The following CACNA2D1 variants were observed in gnomAD, a reference collection of about 807,000 sequenced individuals.
CACNA2D1 encodes voltage-dependent calcium channel subunit alpha-2/delta-1.
In CACNA2D1, 53 loss-of-function variants were observed where a neutral mutation model predicts 171.5. The ratio of observed to expected loss-of-function variants is 0.31; its 90% CI spans 0.25 to 0.39. CACNA2D1 has a LOEUF of 0.39. Among genes scored for constraint, CACNA2D1 ranks in the 10% least tolerant of loss-of-function variants. The pLI, the probability that CACNA2D1 is intolerant of heterozygous loss-of-function variation, is 1.00. For missense variants in CACNA2D1, 903 were observed against 1,299.8 expected, an observed-to-expected ratio of 0.69 and a Z score of 4.69; for synonymous variants, 442 against 443.1, an observed-to-expected ratio of 1.00 and a Z score of 0.03.
At chr7:82,323,042 T>C (rs1816188544) in intron 3 of CACNA2D1, among the ~76,000 whole-genome samples, 1 of 152,246 alleles carries the variant, frequency 6.6e-6, no homozygotes, top group Non-Finnish European at 1.5e-5. Context: ...AGTCCAACTC[T>C]ATAAATGGCT....
At chr7:82,039,096 A>G (rs979486443) in intron 10 of CACNA2D1, among the ~76,000 whole-genome samples, 1 of 152,198 alleles carries the variant, frequency 6.6e-6, no homozygotes, top group Non-Finnish European at 1.5e-5. Flanking sequence ...CTTGGCACCT[A>G]AACTGTCACA....
At chr7:82,270,149 A>T (rs1043166027) in intron 3 of CACNA2D1, among the ~76,000 whole-genome samples, 1 of 152,106 alleles carries the variant, frequency 6.6e-6, no homozygotes, top group Admixed American at 6.6e-5. Flanking sequence ...TTCTCTCCTC[A>T]GCTATCTCTG....
At chr7:82,054,259 G>C (rs1366542370) in intron 10 of CACNA2D1, among the ~76,000 whole-genome samples, 1 of 152,182 alleles carries the variant, frequency 6.6e-6, no homozygotes, top group Non-Finnish European at 1.5e-5. Flanking sequence ...AATCAAGCTA[G>C]ATGATATTGA....
intron 7 of CACNA2D1, among the ~76,000 whole-genome samples, chr7:82,069,760 T>C (rs1452247406): frequency 6.6e-6 from 1 of 151,988 alleles, no homozygotes; most frequent in Non-Finnish European, 1.5e-5. Flanking sequence ...CAAATAATGA[T>C]GCATTGAGGA....
intron 4 of CACNA2D1, among the ~76,000 whole-genome samples, chr7:82,146,983 CAAAAAAAAAAAAA>C (rs764990586): frequency 6.3e-4 from 16 of 25,502 alleles, no homozygotes; most frequent in Non-Finnish European, 7.9e-4. Flanking sequence ...ACTCCCATCT[CAAAAAAAAAAAAA>C]AAAAAAAAAA....
intron 3 of CACNA2D1, among the ~76,000 whole-genome samples, chr7:82,294,125 T>A (rs2299169): frequency 6.6e-6 from 1 of 152,130 alleles, no homozygotes; most frequent in South Asian, 2.1e-4. Flanking sequence ...CAAGCCACCA[T>A]GCTTAATCAA....
In CACNA2D1 at chr7:82,309,328, C is replaced by T. The variant is rs367913638; in HGVS notation, c.294+25807G>A. ...GGTTGAGGCAGGAGAATTTCTTGAA[C>T]CTGGGAGGTGGGGGTTGCAGTGAGC... On this transcript the variant is annotated intron_variant, in intron 3 of 38. Coordinates refer to ENST00000356860, the MANE Select transcript of CACNA2D1 (RefSeq NM_000722.4). 2.3e-3 allele frequency among the ~76,000 whole-genome samples: 354 copies of T among 152,062 alleles called. 1 individual carries two copies. Among genetic ancestry groups the T allele is most frequent in the African/African-American group, 8.2e-3 (342 of 41,474 alleles).
At chr7:81,951,477 T>C (rs1419743716) in intron 38 of CACNA2D1, among the ~76,000 whole-genome samples, 1 of 152,062 alleles carries the variant, frequency 6.6e-6, no homozygotes, top group Non-Finnish European at 1.5e-5. Flanking sequence ...ACCGAATGTA[T>C]GTAGTACTTT....
intron 21 of CACNA2D1, among the ~76,000 whole-genome samples, chr7:81,986,214 T>C (rs1202305841): frequency 6.6e-6 from 1 of 152,182 alleles, no homozygotes; most frequent in African/African-American, 2.4e-5. Context: ...ATCTAACTAC[T>C]TTCCAAAAGT....
At chr7:82,443,853 A>C, upstream of CACNA2D1, 1 of 178,648 alleles carries the variant, frequency 5.6e-6, no homozygotes, top group Non-Finnish European at 9.6e-6. Context: ...GGGGCGGAGG[A>C]GGGGTGACGG....
chr7:82,168,687 T>C (rs756989729), intron 4 of CACNA2D1, among the ~76,000 whole-genome samples: 6 of 143,930 alleles, frequency 4.2e-5, no homozygotes, highest in Non-Finnish European at 7.8e-5. Context: ...GTCTAGAAAT[T>C]AATAAATAAT....
intron 3 of CACNA2D1, among the ~76,000 whole-genome samples, chr7:82,216,775 G>A (rs769188660): frequency 2.6e-5 from 4 of 150,980 alleles, no homozygotes; most frequent in East Asian, 3.9e-4. Context: ...AGGACAGAAC[G>A]TCCTAGATAG....
At chr7:82,318,665 C>T (rs1182245594) in intron 3 of CACNA2D1, among the ~76,000 whole-genome samples, 6 of 152,164 alleles carry the variant, frequency 3.9e-5, no homozygotes, top group African/African-American at 1.4e-4. Flanking sequence ...CTACCATTAT[C>T]ACTTTTCTAT....
At chr7:82,191,715 C>A (rs980475330) in intron 3 of CACNA2D1, among the ~76,000 whole-genome samples, 1 of 151,616 alleles carries the variant, frequency 6.6e-6, no homozygotes, top group East Asian at 1.9e-4. Flanking sequence ...TAGAGGCATA[C>A]GTGTGTATGT....
chr7:82,260,010 G>A (rs1806866684), intron 3 of CACNA2D1, among the ~76,000 whole-genome samples: 1 of 152,114 alleles, frequency 6.6e-6, no homozygotes, highest in Admixed American at 6.5e-5. Context: ...ACCACCTGAG[G>A]TCAGGAGTTC....
At chr7:82,153,945 G>A (rs942142887) in intron 4 of CACNA2D1, among the ~76,000 whole-genome samples, 3 of 152,054 alleles carry the variant, frequency 2.0e-5, no homozygotes, top group African/African-American at 7.2e-5. Flanking sequence ...GATAACTGTT[G>A]CAGAGCTTGT....
At chr7:82,414,835 T>G (rs1283155408) in intron 1 of CACNA2D1, among the ~76,000 whole-genome samples, 1 of 152,226 alleles carries the variant, frequency 6.6e-6, no homozygotes, top group Non-Finnish European at 1.5e-5. Flanking sequence ...TAAAATTGAC[T>G]GTTTAGTGCA....
intron 4 of CACNA2D1, among the ~76,000 whole-genome samples, chr7:82,154,403 T>C (rs977717209): frequency 2.6e-5 from 4 of 152,086 alleles, no homozygotes; most frequent in Admixed American, 6.6e-5. Flanking sequence ...TGGTATGTAC[T>C]GTTCTCACTC....
chr7:82,159,614 A>C (rs1181549634), intron 4 of CACNA2D1, among the ~76,000 whole-genome samples: 2 of 151,658 alleles, frequency 1.3e-5, no homozygotes, highest in African/African-American at 4.8e-5. Context: ...GTGATGAGAG[A>C]TCTCCCCAAA....
Sources: gnomAD v4.1 joint callset for allele counts (sites outside exome capture counted in the v4.1 genomes callset) on GRCh38, gnomAD v4.1.1 for gene constraint, MANE v1.5 for transcripts, NCBI Gene and HGNC (gene_info 2026-07-23, HGNC 2026-07-21) for gene names.